The following RABGAP1L variants were observed in gnomAD, a reference collection of about 807,000 sequenced individuals.
RABGAP1L encodes rab GTPase-activating protein 1-like.
A neutral mutation model predicts 137.7 loss-of-function variants in RABGAP1L; 63 were observed. The ratio of observed to expected loss-of-function variants is 0.46; its 90% CI spans 0.37 to 0.56. The LOEUF is 0.56. Ranked by LOEUF, RABGAP1L falls within the 20% of genes least tolerant of loss-of-function variation. RABGAP1L has a pLI of 0.00. For synonymous variants in RABGAP1L, 431 were observed against 433.7 expected, an observed-to-expected ratio of 0.99 and a Z score of 0.08; for missense variants, 1,095 against 1,244.0, an observed-to-expected ratio of 0.88 and a Z score of 1.80.
intron 21 of RABGAP1L, among the ~76,000 whole-genome samples, chr1:174,970,903 A>G (rs1670075337): frequency 6.6e-6 from 1 of 152,122 alleles, no homozygotes; most frequent in Admixed American, 6.5e-5. Flanking sequence ...TGGGAAAATA[A>G]TGATAAAGTA....
At chr1:174,230,917 C>G (rs1235658040) in intron 3 of RABGAP1L, among the ~76,000 whole-genome samples, 1 of 151,840 alleles carries the variant, frequency 6.6e-6, no homozygotes, top group Non-Finnish European at 1.5e-5. Context: ...TTGAGAGATT[C>G]AAAAGTATGA....
intron 13 of RABGAP1L, among the ~76,000 whole-genome samples, chr1:174,563,435 T>C (rs966881726): frequency 1.4e-4 from 22 of 152,306 alleles, no homozygotes; most frequent in African/African-American, 5.3e-4. Context: ...AAATCCTGGC[T>C]CTACTTTTCT....
chr1:174,833,336 A>T (rs541693091), intron 19 of RABGAP1L, among the ~76,000 whole-genome samples: 1 of 147,260 alleles, frequency 6.8e-6, no homozygotes, highest in African/African-American at 2.5e-5. Context: ...AGTAGCTGGG[A>T]CTACAGGCGC....
chr1:174,472,171 T>C (rs1440599498), intron 13 of RABGAP1L, among the ~76,000 whole-genome samples: 1 of 152,232 alleles, frequency 6.6e-6, no homozygotes, highest in African/African-American at 2.4e-5. Context: ...TGTATGTTTT[T>C]CTTGCAGCCA....
intron 10 of RABGAP1L, among the ~76,000 whole-genome samples, chr1:174,295,574 C>T (rs1052008949): frequency 5.3e-5 from 8 of 151,496 alleles, no homozygotes; most frequent in African/African-American, 7.3e-5. Context: ...TTAGTAGAGA[C>T]GGGGTTTCAC....
At chr1:174,449,197 AAG>A in intron 13 of RABGAP1L, 1 of 1,588,108 alleles carries the variant, frequency 6.3e-7, no homozygotes, top group Non-Finnish European at 8.5e-7. Context: ...GCTCCATTTG[AAG>A]AGAGCTACAT....
At chr1:174,918,985 T>G (rs1220282814) in intron 19 of RABGAP1L, among the ~76,000 whole-genome samples, 1 of 151,508 alleles carries the variant, frequency 6.6e-6, no homozygotes, top group Admixed American at 6.6e-5. Context: ...CCACTGCATC[T>G]GCCTAAGCGA....
At chr1:174,342,011 T>G (rs1682018032) in intron 11 of RABGAP1L, among the ~76,000 whole-genome samples, 1 of 152,124 alleles carries the variant, frequency 6.6e-6, no homozygotes, top group South Asian at 2.1e-4. Flanking sequence ...GACTTAATTT[T>G]TAAAATCTTT....
At chr1:174,830,212 A>G (rs1691965695) in intron 19 of RABGAP1L, among the ~76,000 whole-genome samples, 1 of 147,450 alleles carries the variant, frequency 6.8e-6, no homozygotes, top group African/African-American at 2.5e-5. Flanking sequence ...ACCAGGAGTC[A>G]TGACTGATTA....
intron 1 of RABGAP1L, among the ~76,000 whole-genome samples, chr1:174,175,793 A>G (rs1037930916): frequency 4.0e-5 from 6 of 151,788 alleles, no homozygotes; most frequent in African/African-American, 7.2e-5. Flanking sequence ...GCCTGGCTAC[A>G]TTTTGTATTT....
intron 17 of RABGAP1L, among the ~76,000 whole-genome samples, chr1:174,743,713 C>T (rs1683641442): frequency 6.6e-6 from 1 of 151,904 alleles, no homozygotes; most frequent in African/African-American, 2.4e-5. Context: ...TTCTCAGAGT[C>T]ACCTATGATA....
chr1:174,471,998 G>A (rs1451278497), intron 13 of RABGAP1L, among the ~76,000 whole-genome samples: 1 of 152,232 alleles, frequency 6.6e-6, no homozygotes, highest in Admixed American at 6.5e-5. Flanking sequence ...CAATGGAGAA[G>A]TGTGTAATGC....
intron 17 of RABGAP1L, among the ~76,000 whole-genome samples, chr1:174,734,900 CT>C (rs960667145): frequency 3.4e-4 from 46 of 136,458 alleles, no homozygotes; most frequent in African/African-American, 1.2e-3. Flanking sequence ...CTTATTTAGT[CT>C]TTTTTTTAAG....
intron 19 of RABGAP1L, among the ~76,000 whole-genome samples, chr1:174,906,531 G>A (rs1194559559): frequency 6.6e-6 from 1 of 152,034 alleles, no homozygotes; most frequent in African/African-American, 2.4e-5. Context: ...GGGAGGGTGA[G>A]GCAGGAAAAT....
At chr1:174,328,344 G>A (rs996982453) in intron 11 of RABGAP1L, among the ~76,000 whole-genome samples, 6 of 151,998 alleles carry the variant, frequency 3.9e-5, no homozygotes, top group African/African-American at 1.4e-4. Context: ...ATTATATCAA[G>A]CGTTTTTTCT....
intron 13 of RABGAP1L, among the ~76,000 whole-genome samples, chr1:174,438,808 A>G (rs1653784594): frequency 1.4e-5 from 2 of 142,108 alleles, no homozygotes; most frequent in African/African-American, 5.4e-5. Context: ...ATGACATTTT[A>G]TAGTTTTCAG....
intron 13 of RABGAP1L, among the ~76,000 whole-genome samples, chr1:174,604,063 T>C (rs1158478595): frequency 3.3e-5 from 5 of 152,112 alleles, no homozygotes; most frequent in South Asian, 2.1e-4. Flanking sequence ...TGGTGTCTTA[T>C]AGCTTGTGTG....
intron 15 of RABGAP1L, among the ~76,000 whole-genome samples, chr1:174,691,047 G>T (rs1412303166): frequency 6.6e-6 from 1 of 151,866 alleles, no homozygotes; most frequent in South Asian, 2.1e-4. Flanking sequence ...GGCCAGCCTG[G>T]TCTCGAACTC....
chr1:174,275,991 A>G (rs1674966232), intron 9 of RABGAP1L, 56 bp downstream of exon 9: 6 of 1,406,476 alleles, frequency 4.3e-6, no homozygotes, highest in South Asian at 1.3e-5. Context: ...ATTATGAACA[A>G]TGTTGCTTGT....
Sources: gnomAD v4.1 joint callset for allele counts (sites outside exome capture counted in the v4.1 genomes callset) on GRCh38, gnomAD v4.1.1 for gene constraint, MANE v1.5 for transcripts, NCBI Gene and HGNC (gene_info 2026-07-23, HGNC 2026-07-21) for gene names.